CHN2: variants seen among roughly 807,000 people sequenced by gnomAD.
CHN2 encodes chimerin 2, also known as beta-chimaerin.
A neutral mutation model predicts 56.3 loss-of-function variants in CHN2; 35 were observed. The ratio of observed to expected loss-of-function variants is 0.62; its 90% CI spans 0.47 to 0.82. CHN2 has a LOEUF of 0.82. Among genes scored for constraint, CHN2 ranks in the 40% least tolerant of loss-of-function variants. The pLI is 0.00. For missense variants in CHN2, 491 were observed against 580.5 expected, an observed-to-expected ratio of 0.85 and a Z score of 1.58; for synonymous variants, 210 against 212.8, an observed-to-expected ratio of 0.99 and a Z score of 0.12.
chr7:29,315,833 T>C (rs1794918942), intron 1 of CHN2, among the ~76,000 whole-genome samples: 1 of 152,210 alleles, frequency 6.6e-6, no homozygotes, highest in Non-Finnish European at 1.5e-5. Flanking sequence ...GTGAAAATGC[T>C]AAGAGAGAAG....
intron 1 of CHN2, among the ~76,000 whole-genome samples, chr7:29,354,404 T>A (rs1189751199): frequency 6.6e-6 from 1 of 152,198 alleles, no homozygotes; most frequent in East Asian, 1.9e-4. Context: ...AAGCAATTGA[T>A]CTGCCATAGT....
At chr7:29,167,608 G>T (rs1436692014) in intron 2 of CHN2, among the ~76,000 whole-genome samples, 1 of 152,074 alleles carries the variant, frequency 6.6e-6, no homozygotes, top group Non-Finnish European at 1.5e-5. Context: ...TAAAGTAGTG[G>T]TACCAATTTA....
intron 1 of CHN2, among the ~76,000 whole-genome samples, chr7:29,206,200 C>T (rs1376948601): frequency 2.0e-5 from 3 of 152,168 alleles, no homozygotes; most frequent in African/African-American, 4.8e-5. Context: ...CCCCTTCCCT[C>T]CTTTATCTCT....
At chr7:29,438,113 A>G (rs1783376403) in intron 6 of CHN2, among the ~76,000 whole-genome samples, 1 of 152,262 alleles carries the variant, frequency 6.6e-6, no homozygotes, top group Admixed American at 6.5e-5. Flanking sequence ...TGGTGGGCAG[A>G]AAAAGGACAG....
At chr7:29,170,517 C>A (rs912190889) in intron 2 of CHN2, among the ~76,000 whole-genome samples, 1 of 152,174 alleles carries the variant, frequency 6.6e-6, no homozygotes, top group East Asian at 1.9e-4. Flanking sequence ...GTAATTTGTA[C>A]ATGTCCTTAG....
At chr7:29,308,666 A>C (rs1053246698) in intron 1 of CHN2, among the ~76,000 whole-genome samples, 1 of 152,186 alleles carries the variant, frequency 6.6e-6, no homozygotes, top group Non-Finnish European at 1.5e-5. Flanking sequence ...CCTGGGCCAC[A>C]TTCCATATGG....
At chr7:29,262,033 T>G (rs11771926) in intron 1 of CHN2, among the ~76,000 whole-genome samples, 2 of 152,094 alleles carry the variant, frequency 1.3e-5, no homozygotes. Flanking sequence ...CCAGGCATGG[T>G]GGCGTGAGCC....
intron 1 of CHN2, among the ~76,000 whole-genome samples, chr7:29,238,594 C>T (rs938682016): frequency 2.0e-5 from 3 of 152,058 alleles, no homozygotes; most frequent in Admixed American, 6.6e-5. Context: ...AGCTTATGTT[C>T]TAGCTGAGAG....
chr7:29,495,633 C>A (rs1251258366), intron 7 of CHN2, among the ~76,000 whole-genome samples: 1 of 152,198 alleles, frequency 6.6e-6, no homozygotes, highest in Non-Finnish European at 1.5e-5. Flanking sequence ...GTTATAGCGA[C>A]CAGCTTGGGC....
intron 6 of CHN2, among the ~76,000 whole-genome samples, chr7:29,446,737 T>C (rs1784060393): frequency 1.3e-5 from 2 of 152,184 alleles, no homozygotes; most frequent in African/African-American, 4.8e-5. Flanking sequence ...TATTAGTGCA[T>C]GCATGTAACA....
intron 6 of CHN2, among the ~76,000 whole-genome samples, chr7:29,425,605 A>C (rs144806005): frequency 4.3e-4 from 66 of 152,252 alleles, no homozygotes; most frequent in Middle Eastern, 3.4e-3. Context: ...CTTTAGACCT[A>C]ACTGTAGCAG....
At chr7:29,166,036 T>C (rs998952549) in intron 2 of CHN2, among the ~76,000 whole-genome samples, 6 of 152,164 alleles carry the variant, frequency 3.9e-5, no homozygotes, top group African/African-American at 1.4e-4. Flanking sequence ...GGTTTTTGTT[T>C]GTCTGTTTGT....
At chr7:29,369,287 C>A (rs77423710) in intron 3 of CHN2, among the ~76,000 whole-genome samples, 4,501 of 152,012 alleles carry the variant, frequency 0.03, 234 homozygotes, top group African/African-American at 0.1. Context: ...TGAAAAAAAA[C>A]TTTGTAAAAT....
At chr7:29,305,089 C>T (rs1164426467) in intron 1 of CHN2, among the ~76,000 whole-genome samples, 1 of 152,118 alleles carries the variant, frequency 6.6e-6, no homozygotes, top group African/African-American at 2.4e-5. Flanking sequence ...GGGTGAGCCT[C>T]CAGATTTCCA....
intron 7 of CHN2, chr7:29,483,909 A>T: frequency 7.7e-7 from 1 of 1,298,724 alleles, no homozygotes; most frequent in Non-Finnish European, 1.0e-6. Context: ...TCCCTCATCT[A>T]TAAAATGGGA....
intron 7 of CHN2, 106 bp from the exon 8 acceptor site, chr7:29,495,846 A>G: frequency 1.2e-6 from 1 of 835,746 alleles, no homozygotes; most frequent in African/African-American, 1.7e-5. Flanking sequence ...TGGAAGGAAA[A>G]GCCCAGTGGG....
intron 2 of CHN2, chr7:29,147,058 C>T: frequency 2.0e-6 from 3 of 1,490,212 alleles, no homozygotes; most frequent in Non-Finnish European, 2.7e-6. Flanking sequence ...CCATTATACC[C>T]ATTTTGCAAT....
chr7:29,280,798 A>T (rs2128859350), intron 1 of CHN2, among the ~76,000 whole-genome samples: 1 of 152,264 alleles, frequency 6.6e-6, no homozygotes, highest in East Asian at 1.9e-4. Context: ...GGAACACATA[A>T]CTAAAGTATC....
intron 1 of CHN2, among the ~76,000 whole-genome samples, chr7:29,354,378 C>A (rs575447108): frequency 1.3e-5 from 2 of 152,218 alleles, no homozygotes; most frequent in East Asian, 3.9e-4. Flanking sequence ...ATTTACTGGG[C>A]TCTATGAAAA....
Sources: allele counts gnomAD v4.1 joint callset (sites outside exome capture counted in the v4.1 genomes callset), GRCh38; gene constraint gnomAD v4.1.1; transcripts MANE v1.5; gene names NCBI Gene and HGNC (gene_info 2026-07-23, HGNC 2026-07-21).